Variants in CSGALNACT1 observed in about 807,000 individuals in gnomAD.
CSGALNACT1 encodes chondroitin sulfate N-acetylgalactosaminyltransferase 1.
A neutral mutation model predicts 51.0 loss-of-function variants in CSGALNACT1; 52 were observed. That is an observed-to-expected ratio of 1.02 (90% CI 0.82 to 1.29). CSGALNACT1 has a LOEUF of 1.29. Ranked by LOEUF, CSGALNACT1 falls within the 50% of genes most tolerant of loss-of-function variation. The pLI, the probability that CSGALNACT1 is intolerant of heterozygous loss-of-function variation, is 0.00. For synonymous variants in CSGALNACT1, 341 were observed against 254.4 expected (o/e 1.34, Z -3.24); for missense variants, 935 against 679.2 (o/e 1.38, Z -4.19).
intron 4 of CSGALNACT1, among the ~76,000 whole-genome samples, chr8:19,492,219 C>T (rs189879176): frequency 6.6e-6 from 1 of 152,202 alleles, no homozygotes; most frequent in Non-Finnish European, 1.5e-5. Context: ...CTAAGGTCAA[C>T]AGCACACAGC....
chr8:19,724,607 CA>C (rs758674460), intron 1 of CSGALNACT1, among the ~76,000 whole-genome samples: 1 of 152,214 alleles, frequency 6.6e-6, no homozygotes, highest in Non-Finnish European at 1.5e-5. Flanking sequence ...TAACAGATTA[CA>C]ATGACAAGGA....
At chr8:19,498,413 G>C (rs1323812142) in intron 4 of CSGALNACT1, among the ~76,000 whole-genome samples, 1 of 152,190 alleles carries the variant, frequency 6.6e-6, no homozygotes. Flanking sequence ...ACACGGGTGA[G>C]ATGGGAGAGG....
chr8:19,534,857 T>G (rs2083445211), intron 3 of CSGALNACT1, among the ~76,000 whole-genome samples: 2 of 152,236 alleles, frequency 1.3e-5, no homozygotes, highest in African/African-American at 4.8e-5. Context: ...AGTGGGGAGT[T>G]TGTAATCCAA....
rs2063610447 is a variant in CSGALNACT1 at position 19,730,118 on chromosome 8, G to A, written c.-297+27732C>T. On this transcript the variant is annotated intron_variant, in intron 1 of 1. Transcript: ENST00000517494. ...TTCAAGATCCCCAATCTATAATCAC[G>A]ACTCTCATCTGCCTGAGTTACAGAA... 2.0e-5 allele frequency among the ~76,000 whole-genome samples: 3 copies of A among 152,206 alleles called. No individual in the cohort carries two copies. The South Asian group carries it at 6.2e-4, about 32-fold the overall frequency.
At chr8:19,553,620 C>CATACATATAT (rs1386703624) in intron 3 of CSGALNACT1, among the ~76,000 whole-genome samples, 19 of 71,562 alleles carry the variant, frequency 2.7e-4, no homozygotes, top group African/African-American at 1.7e-3. Context: ...TATATAAATA[C>CATACATATAT]ATATATATAT....
intron 1 of CSGALNACT1, among the ~76,000 whole-genome samples, chr8:19,619,675 T>C (rs2053566963): frequency 6.6e-6 from 1 of 152,162 alleles, no homozygotes; most frequent in South Asian, 2.1e-4. Flanking sequence ...AATTTAACTT[T>C]CTTCTTGTTC....
chr8:19,666,761 AAG>A, intron 1 of CSGALNACT1, among the ~76,000 whole-genome samples: 1 of 6,442 alleles, frequency 1.6e-4, no homozygotes, highest in South Asian at 4.9e-3. Flanking sequence ...AGAAAGAAAG[AAG>A]AAAGAAAGAA....
intron 1 of CSGALNACT1, among the ~76,000 whole-genome samples, chr8:19,614,062 A>T (rs1271379921): frequency 6.6e-6 from 1 of 152,194 alleles, no homozygotes; most frequent in African/African-American, 2.4e-5. Context: ...CAAAGCCTTT[A>T]ATCTACTAAA....
intron 4 of CSGALNACT1, among the ~76,000 whole-genome samples, chr8:19,459,582 A>G (rs555484964): frequency 6.6e-6 from 1 of 152,152 alleles, no homozygotes; most frequent in South Asian, 2.1e-4. Flanking sequence ...ATTTAGTTTC[A>G]TATCTTCCTT....
upstream of CSGALNACT1, among the ~76,000 whole-genome samples, chr8:19,684,022 C>T (rs1054167757): frequency 2.4e-4 from 37 of 151,996 alleles, no homozygotes; most frequent in African/African-American, 2.9e-4. Context: ...AAAAATTAGC[C>T]GGGTATGGCG....
chr8:19,641,664 T>C (rs577573190), intron 1 of CSGALNACT1: 3 of 152,292 alleles, frequency 2.0e-5, no homozygotes, highest in South Asian at 2.1e-4. Flanking sequence ...ACAAAACCTG[T>C]AGGCATTCAC....
At position 19,663,284 on chromosome 8, in the gene CSGALNACT1, T is replaced by G. The variant is rs1589354204; in HGVS notation, c.-544+19189A>C. Among the ~76,000 whole-genome samples the G allele has an allele frequency of 1.3e-5, 2 of 152,182 alleles. 1 individual carries two copies. The highest frequency in any genetic ancestry group is 1.3e-4 in the Admixed American group (2 of 15,278). On this transcript the variant is annotated intron_variant, in intron 1 of 9. Transcript: ENST00000332246. ...GGCTTGTACTTAATTGTACCTGAGG[T>G]TTTTTTCTCCCCTTCCTACGATGGT...
intron 8 of CSGALNACT1, 89 bp downstream of exon 7, chr8:19,418,566 TC>T: frequency 1.2e-6 from 1 of 857,776 alleles, no homozygotes; most frequent in Non-Finnish European, 2.0e-6. Context: ...TGCACAGATT[TC>T]TACTCACCTT....
At chr8:19,638,421 G>GC (rs1359985652) in intron 1 of CSGALNACT1, among the ~76,000 whole-genome samples, 1 of 151,988 alleles carries the variant, frequency 6.6e-6, no homozygotes, top group Non-Finnish European at 1.5e-5. Flanking sequence ...CTTGGACCTC[G>GC]CCTTCTTTTT....
In CSGALNACT1 at chr8:19,599,584, G is replaced by C. The variant is rs547020389; in HGVS notation, c.-416+2187C>G. On this transcript the variant is annotated intron_variant, in intron 2 of 9. Transcript: ENST00000454498. ...GGGAAAGAAAGAAAGAGAGAGAAAG[G>C]AAAGGAGGAAGGAAAGAAGGAAAGA... Among the ~76,000 whole-genome samples the C allele has an allele frequency of 4.4e-4, 67 of 151,662 alleles. 1 individual carries two copies. The highest frequency in any genetic ancestry group is 1.5e-3 in the African/African-American group (63 of 41,374).
chr8:19,441,546 T>C lies in CSGALNACT1; in HGVS notation c.852-1615A>G, dbSNP rs544039812. Among the ~76,000 whole-genome samples the C allele has an allele frequency of 7.9e-5, 12 of 152,308 alleles. No homozygotes were observed. In the South Asian group the frequency reaches 2.5e-3, roughly 32 times the overall value. ...GAAAGCTGAAACTGGATCCCTTCCT[T>C]ACACCTTATACAAAAATGAATTCAA... On this transcript the variant is annotated intron_variant, in intron 5 of 9. Transcript: ENST00000454498.
chr8:19,516,019 C>G (rs986565054), intron 3 of CSGALNACT1, among the ~76,000 whole-genome samples: 1 of 152,158 alleles, frequency 6.6e-6, no homozygotes, highest in Non-Finnish European at 1.5e-5. Context: ...TGCCAAACCC[C>G]GCAAGGAGAC....
intron 1 of CSGALNACT1, among the ~76,000 whole-genome samples, chr8:19,607,618 G>C (rs2051576434): frequency 6.6e-6 from 1 of 152,222 alleles, no homozygotes; most frequent in Non-Finnish European, 1.5e-5. Flanking sequence ...CTCAGCTGGT[G>C]CTAGATGCCA....
chr8:19,520,258 C>G (rs1417450365), intron 3 of CSGALNACT1, among the ~76,000 whole-genome samples: 1 of 152,192 alleles, frequency 6.6e-6, no homozygotes, highest in Non-Finnish European at 1.5e-5. Flanking sequence ...CAAGGCTTCT[C>G]TCTTTGTGCC....
Sources: gnomAD v4.1 joint callset for allele counts (sites outside exome capture counted in the v4.1 genomes callset) on GRCh38, gnomAD v4.1.1 for gene constraint, MANE v1.5 for transcripts, NCBI Gene and HGNC (gene_info 2026-07-23, HGNC 2026-07-21) for gene names.